ULK4: variants seen among roughly 807,000 people sequenced by gnomAD.
ULK4 encodes the protein inactive serine/threonine-protein kinase ULK4.
In ULK4, 133 loss-of-function variants were observed where a neutral mutation model predicts 160.6. The ratio of observed to expected loss-of-function variants is 0.83; its 90% CI spans 0.72 to 0.96. The LOEUF is 0.96. Among genes scored for constraint, ULK4 ranks in the 40% least tolerant of loss-of-function variants. ULK4 has a pLI of 0.00. For missense variants in ULK4, 1,580 were observed against 1,499.5 expected, an observed-to-expected ratio of 1.05 and a Z score of -0.89; for synonymous variants, 534 against 539.8, an observed-to-expected ratio of 0.99 and a Z score of 0.15.
chr3:41,450,269 T>G (rs2083396001), intron 34 of ULK4, among the ~76,000 whole-genome samples: 2 of 152,150 alleles, frequency 1.3e-5, no homozygotes, highest in African/African-American at 4.8e-5. Context: ...ATATTAGCCA[T>G]ATCTTATACT....
chr3:41,258,103 T>C (rs541067818), intron 35 of ULK4, among the ~76,000 whole-genome samples: 5 of 152,248 alleles, frequency 3.3e-5, no homozygotes, highest in South Asian at 4.2e-4. Flanking sequence ...CGCTGAAGGT[T>C]GTAAATTAAG....
chr3:41,773,873 G>T, intron 21 of ULK4, among the ~76,000 whole-genome samples: 1 of 152,212 alleles, frequency 6.6e-6, no homozygotes, highest in East Asian at 1.9e-4. Context: ...CCAAAACAGA[G>T]ATATAGACCA....
chr3:41,630,247 AGCTGG>A (rs1484519158), intron 30 of ULK4, among the ~76,000 whole-genome samples: 1 of 152,236 alleles, frequency 6.6e-6, no homozygotes, highest in East Asian at 1.9e-4. Flanking sequence ...TCATTGTGTC[AGCTGG>A]GCTAAGTTCC....
intron 34 of ULK4, among the ~76,000 whole-genome samples, chr3:41,447,891 AATG>A: frequency 6.6e-6 from 1 of 152,050 alleles, no homozygotes. Flanking sequence ...GAGAAGTCTA[AATG>A]ATGCAATTTT....
intron 34 of ULK4, among the ~76,000 whole-genome samples, chr3:41,449,730 T>G (rs1245382045): frequency 6.6e-6 from 1 of 152,078 alleles, no homozygotes; most frequent in African/African-American, 2.4e-5. Flanking sequence ...GTAATAAAAA[T>G]GGAAAACAGA....
chr3:41,734,866 A>C (rs904930330), intron 22 of ULK4, among the ~76,000 whole-genome samples: 40 of 152,174 alleles, frequency 2.6e-4, no homozygotes, highest in African/African-American at 9.7e-4. Flanking sequence ...ATGGATTGAC[A>C]GAGGGCCCAA....
At chr3:41,410,348 T>A (rs1369973665) in intron 34 of ULK4, among the ~76,000 whole-genome samples, 1 of 152,084 alleles carries the variant, frequency 6.6e-6, no homozygotes, top group Non-Finnish European at 1.5e-5. Flanking sequence ...TTAGGAATAA[T>A]AAGGAATGAA....
intron 16 of ULK4, among the ~76,000 whole-genome samples, chr3:41,890,669 A>C (rs1412554437): frequency 7.1e-6 from 1 of 140,446 alleles, no homozygotes; most frequent in African/African-American, 2.7e-5. Flanking sequence ...ACAGAGCAAG[A>C]CTCTGTCTCA....
At chr3:41,710,794 A>G (rs1305578996) in intron 25 of ULK4, among the ~76,000 whole-genome samples, 2 of 80,030 alleles carry the variant, frequency 2.5e-5, no homozygotes, top group South Asian at 3.2e-4. Context: ...TCTTGTCTCA[A>G]AAAAAAAAAA....
chr3:41,929,706 A>T (rs1462568362), intron 5 of ULK4, among the ~76,000 whole-genome samples: 1 of 152,186 alleles, frequency 6.6e-6, no homozygotes, highest in Non-Finnish European at 1.5e-5. Context: ...AAACAAACAG[A>T]GAGCCAAATT....
intron 35 of ULK4, among the ~76,000 whole-genome samples, chr3:41,284,117 G>A (rs1449628146): frequency 1.3e-5 from 2 of 152,092 alleles, no homozygotes; most frequent in Admixed American, 6.6e-5. Flanking sequence ...CACGGATGGT[G>A]AGAATCCATC....
intron 35 of ULK4, among the ~76,000 whole-genome samples, chr3:41,281,545 A>G (rs964989133): frequency 6.6e-5 from 10 of 152,212 alleles, no homozygotes; most frequent in African/African-American, 1.7e-4. Context: ...ACCAACAACA[A>G]AAATCACATG....
At chr3:41,741,239 C>G (rs1331926642) in intron 22 of ULK4, among the ~76,000 whole-genome samples, 1 of 151,950 alleles carries the variant, frequency 6.6e-6, no homozygotes, top group Non-Finnish European at 1.5e-5. Flanking sequence ...CCATCACATC[C>G]TCCTCAGATA....
chr3:41,484,968 A>G (rs114565830), intron 32 of ULK4, among the ~76,000 whole-genome samples: 87 of 152,324 alleles, frequency 5.7e-4, no homozygotes, highest in African/African-American at 2.0e-3. Flanking sequence ...TTATAAGTCA[A>G]TATTCTAAAG....
chr3:41,518,737 A>G (rs2085832710), intron 32 of ULK4, among the ~76,000 whole-genome samples: 1 of 152,208 alleles, frequency 6.6e-6, no homozygotes, highest in Non-Finnish European at 1.5e-5. Context: ...AAGGGAAAAA[A>G]GAGTGAGCCA....
At chr3:41,358,043 T>C (rs909659114) in intron 35 of ULK4, among the ~76,000 whole-genome samples, 6 of 152,210 alleles carry the variant, frequency 3.9e-5, no homozygotes, top group Non-Finnish European at 7.3e-5. Context: ...CAGTAAGTGC[T>C]GGAGGCAGGT....
intron 27 of ULK4, among the ~76,000 whole-genome samples, chr3:41,684,226 T>A (rs1456563087): frequency 6.6e-6 from 1 of 152,216 alleles, no homozygotes; most frequent in Admixed American, 6.5e-5. Context: ...AAATCTGGCA[T>A]GCGAGCAAAA....
intron 32 of ULK4, among the ~76,000 whole-genome samples, chr3:41,473,683 AAG>A (rs2084056656): frequency 9.3e-5 from 14 of 150,836 alleles, no homozygotes; most frequent in Admixed American, 3.3e-4. Context: ...AAAAAAAAAA[AAG>A]AAGAACTAAT....
chr3:41,877,239 G>A (rs1454574998), intron 17 of ULK4, among the ~76,000 whole-genome samples: 2 of 152,050 alleles, frequency 1.3e-5, no homozygotes, highest in Admixed American at 6.5e-5. Context: ...AATGCACTTT[G>A]TAGTTTTGTT....
Sources: gnomAD v4.1 joint callset for allele counts (sites outside exome capture counted in the v4.1 genomes callset) on GRCh38, gnomAD v4.1.1 for gene constraint, MANE v1.5 for transcripts, NCBI Gene and HGNC (gene_info 2026-07-23, HGNC 2026-07-21) for gene names.